The following ADAM10 variants were observed in gnomAD, a reference collection of about 807,000 sequenced individuals.
ADAM10 encodes the protein ADAM metallopeptidase domain 10, also known as disintegrin and metalloproteinase domain-containing protein 10.
In ADAM10, 17 loss-of-function variants were observed where a neutral mutation model predicts 90.1. That is an observed-to-expected ratio of 0.19 (90% confidence interval 0.13 to 0.28). ADAM10 has a LOEUF of 0.28. Ranked by LOEUF, ADAM10 falls within the 10% of genes least tolerant of loss-of-function variation. The pLI is 1.00. For missense variants in ADAM10, 610 were observed against 914.3 expected, an observed-to-expected ratio of 0.67 and a Z score of 4.29; for synonymous variants, 310 against 298.6, an observed-to-expected ratio of 1.04 and a Z score of -0.40.
At chr15:58,726,924 G>A (rs1172234426) in intron 1 of ADAM10, among the ~76,000 whole-genome samples, 1 of 151,402 alleles carries the variant, frequency 6.6e-6, no homozygotes, top group Non-Finnish European at 1.5e-5. Context: ...GAGGGAAAAG[G>A]AGAAGACGAA....
At position 58,593,148 on chromosome 15, in the gene ADAM10, A is replaced by ATTTTTTTTTTTTT. The variant is rs1566960143; in HGVS notation, c.*4398_*4399insAAAAAAAAAAAAA. On this transcript the variant is annotated 3_prime_UTR_variant, in exon 16 of 16. Transcript: ENST00000260408. ...AAAAGTAACAAAGGCCAGGTACTCA[A>ATTTTTTTTTTTTT]ATTTTTTTTTTTTTTTTTTTTTTTT... 1.8e-5 allele frequency: 2 copies of ATTTTTTTTTTTTT among 110,510 alleles called. No individual in the cohort carries two copies. Among genetic ancestry groups the ATTTTTTTTTTTTT allele is most frequent in the Non-Finnish European group, 3.9e-5 (2 of 51,794 alleles). 6.8% of individuals were successfully genotyped at this position (110,510 alleles called of 1,614,324 possible).
At chr15:58,747,783 A>C (rs1399916652) in intron 1 of ADAM10, 3 of 152,144 alleles carry the variant, frequency 2.0e-5, no homozygotes, top group African/African-American at 7.2e-5. Context: ...TAACCCACAA[A>C]CATGTTATTC....
intron 8 of ADAM10, among the ~76,000 whole-genome samples, chr15:58,640,432 G>A (rs1896386113): frequency 6.6e-6 from 1 of 151,944 alleles, no homozygotes; most frequent in African/African-American, 2.4e-5. Context: ...TATTTTGGAG[G>A]GGAAAAAAGT....
chr15:58,674,095 A>C (rs543762600), intron 4 of ADAM10, among the ~76,000 whole-genome samples: 1 of 152,224 alleles, frequency 6.6e-6, no homozygotes, highest in East Asian at 1.9e-4. Flanking sequence ...TTTCTAATTA[A>C]ATATTATTCT....
At chr15:58,606,026 C>CTGT (rs1158393831) in intron 14 of ADAM10, among the ~76,000 whole-genome samples, 3 of 152,168 alleles carry the variant, frequency 2.0e-5, no homozygotes, top group African/African-American at 7.2e-5. Flanking sequence ...AGATAATCTA[C>CTGT]TGTTCTTAAA....
intron 3 of ADAM10, among the ~76,000 whole-genome samples, chr15:58,681,763 A>G (rs1212791244): frequency 6.6e-6 from 1 of 152,206 alleles, no homozygotes; most frequent in Admixed American, 6.5e-5. Flanking sequence ...ATTCTGAGGA[A>G]GAAGGGCCTT....
At chr15:58,647,246 G>GCATTTTTTTTTTTTTTTTTTTTT (rs1896569038) in intron 5 of ADAM10, among the ~76,000 whole-genome samples, 1 of 36,828 alleles carries the variant, frequency 2.7e-5, no homozygotes, top group African/African-American at 7.4e-5. Flanking sequence ...TAGACACTAA[G>GCATTTTTTTTTTTTTTTTTTTTT]TATTTTTTTT....
chr15:58,652,246 T>C (rs1339615133), intron 5 of ADAM10, among the ~76,000 whole-genome samples: 16 of 152,182 alleles, frequency 1.1e-4, no homozygotes, highest in Admixed American at 1.0e-3. Flanking sequence ...AGCTTTTAAC[T>C]TGATGTGATC....
At chr15:58,655,114 G>C (rs1219897225) in intron 5 of ADAM10, 1 of 152,170 alleles carries the variant, frequency 6.6e-6, no homozygotes, top group African/African-American at 2.4e-5. Context: ...AGCTATTACT[G>C]TATTGAAGTC....
chr15:58,686,296 G>A (rs896110811), intron 2 of ADAM10: 1 of 589,574 alleles, frequency 1.7e-6, no homozygotes, highest in Non-Finnish European at 3.0e-6. Flanking sequence ...AGAGAACCCA[G>A]AAAAGCCACT....
intron 1 of ADAM10, among the ~76,000 whole-genome samples, chr15:58,734,345 A>G (rs992649878): frequency 6.6e-6 from 1 of 152,222 alleles, no homozygotes; most frequent in East Asian, 1.9e-4. Flanking sequence ...GGTTTGAGTG[A>G]TATGTAACAA....
chr15:58,684,609 G>T (rs1426922285), intron 2 of ADAM10, among the ~76,000 whole-genome samples: 3 of 152,202 alleles, frequency 2.0e-5, no homozygotes, highest in African/African-American at 7.2e-5. Flanking sequence ...ACTCTGTGCT[G>T]CCTCCCACAT....
rs1284822981 is a variant in ADAM10 at position 58,717,830 on chromosome 15, TC to T, written c.56-104del. On this transcript the variant is annotated intron_variant, in intron 1 of 15. Coordinates refer to ENST00000260408, the MANE Select transcript of ADAM10 (RefSeq NM_001110.4). ...CTATGAATATGTATGAAACAACTTCTCCCTAATCCCAGCACTATTATGAATT... is the reference window on the plus strand; with the variant it reads ...CTATGAATATGTATGAAACAACTTCTCCTAATCCCAGCACTATTATGAATT... 66 of 1,465,738 alleles carry T rather than the reference TC, an allele frequency of 4.5e-5. No homozygotes were observed. The East Asian group carries it at 1.5e-3, about 34-fold the overall frequency. 90.8% of individuals were successfully genotyped at this position (1,465,738 alleles called of 1,614,324 possible).
At chr15:58,673,568 C>A (rs1173172530) in intron 4 of ADAM10, among the ~76,000 whole-genome samples, 1 of 149,764 alleles carries the variant, frequency 6.7e-6, no homozygotes, top group Non-Finnish European at 1.5e-5. Context: ...CATATACATA[C>A]ATATATATAA....
intron 2 of ADAM10, among the ~76,000 whole-genome samples, chr15:58,709,968 AG>A (rs1898422131): frequency 6.6e-6 from 1 of 152,102 alleles, no homozygotes; most frequent in African/African-American, 2.4e-5. Context: ...CTTCCAGGTA[AG>A]GCCTGGTTAG....
chr15:58,727,205 TCCCAAAA>T (rs1567014712), intron 1 of ADAM10, among the ~76,000 whole-genome samples: 2 of 89,148 alleles, frequency 2.2e-5, no homozygotes, highest in Admixed American at 1.1e-4. Flanking sequence ...TTTTTTTTTT[TCCCAAAA>T]ACAGCGTTTC....
At chr15:58,704,747 T>C (rs1317422412) in intron 2 of ADAM10, among the ~76,000 whole-genome samples, 2 of 152,152 alleles carry the variant, frequency 1.3e-5, no homozygotes, top group Non-Finnish European at 2.9e-5. Context: ...TTCAGAGCAC[T>C]TTTACATATA....
intron 2 of ADAM10, among the ~76,000 whole-genome samples, chr15:58,713,577 C>T (rs1022197821): frequency 2.6e-5 from 4 of 152,102 alleles, no homozygotes; most frequent in African/African-American, 9.7e-5. Context: ...AGTGAGCAAT[C>T]CAATTCATCA....
chr15:58,622,919 T>G lies in ADAM10; in HGVS notation c.1361-1298A>C, dbSNP rs184423311. 3.3e-5 allele frequency among the ~76,000 whole-genome samples: 5 copies of G among 152,358 alleles called. No homozygotes were observed. In the East Asian group the frequency reaches 9.6e-4, roughly 29 times the overall value. ...AGTCTGTAACTTGCTAGGGACCATATATCCCAGTATAGGCAAAACACAGAC... is the reference window on the plus strand; with the variant it reads ...AGTCTGTAACTTGCTAGGGACCATAGATCCCAGTATAGGCAAAACACAGAC... On this transcript the variant is annotated intron_variant, in intron 10 of 15. Coordinates refer to ENST00000260408, the MANE Select transcript of ADAM10 (RefSeq NM_001110.4).
Sources: gnomAD v4.1 joint callset for allele counts (sites outside exome capture counted in the v4.1 genomes callset) on GRCh38, gnomAD v4.1.1 for gene constraint, MANE v1.5 for transcripts, NCBI Gene and HGNC (gene_info 2026-07-23, HGNC 2026-07-21) for gene names.